ANKRD29: variants seen among roughly 807,000 people sequenced by gnomAD.
The protein encoded by ANKRD29 is ankyrin repeat domain-containing protein 29.
ANKRD29 carries 32 observed loss-of-function variants against 38.0 expected under a neutral mutation model. That is an observed-to-expected ratio of 0.84 (90% CI 0.64 to 1.13). The LOEUF (loss-of-function observed/expected upper bound fraction) is 1.13. ANKRD29 is among the 50% of genes most tolerant of loss of function. ANKRD29 has a pLI of 0.00. For missense variants in ANKRD29, 357 were observed against 377.9 expected, an observed-to-expected ratio of 0.94 and a Z score of 0.46; for synonymous variants, 135 against 152.4, an observed-to-expected ratio of 0.89 and a Z score of 0.84.
intron 9 of ANKRD29, among the ~76,000 whole-genome samples, chr18:23,602,872 G>A (rs1364274191): frequency 6.6e-6 from 1 of 151,978 alleles, no homozygotes; most frequent in East Asian, 1.9e-4. Context: ...ATATAGTTAT[G>A]AAAAATTAAA....
chr18:23,618,996 A>C (rs2059758541), intron 7 of ANKRD29, among the ~76,000 whole-genome samples: 1 of 152,244 alleles, frequency 6.6e-6, no homozygotes, highest in South Asian at 2.1e-4. Context: ...ACAGTAAAAC[A>C]CAAAAAGCAA....
At chr18:23,656,034 A>C (rs910677745) in intron 1 of ANKRD29, among the ~76,000 whole-genome samples, 2 of 148,072 alleles carry the variant, frequency 1.4e-5, no homozygotes, top group South Asian at 4.3e-4. Context: ...CGGAGCTTGC[A>C]GTGAGCCGAG....
intron 6 of ANKRD29, among the ~76,000 whole-genome samples, chr18:23,622,036 T>C (rs1219328955): frequency 6.6e-6 from 1 of 152,042 alleles, no homozygotes; most frequent in Non-Finnish European, 1.5e-5. Flanking sequence ...GAGGTTTCCA[T>C]ACGACTGCAG....
intron 1 of ANKRD29, among the ~76,000 whole-genome samples, chr18:23,659,284 T>C (rs1401592832): frequency 6.6e-6 from 1 of 152,212 alleles, no homozygotes; most frequent in Non-Finnish European, 1.5e-5. Context: ...GGCCCACATT[T>C]TGTTTTTATC....
At chr18:23,629,711 T>A in intron 6 of ANKRD29, 142 bp downstream of exon 6, 1 of 674,398 alleles carries the variant, frequency 1.5e-6, no homozygotes, top group Non-Finnish European at 2.5e-6. Flanking sequence ...TAATCAAAGA[T>A]TAACTTTTCA....
At position 23,649,079 on chromosome 18, in the gene ANKRD29, G is replaced by C. The variant is rs370643642; in HGVS notation, c.132+4C>G. The C allele has an allele frequency of 1.2e-6, 2 of 1,613,464 alleles. No individual in the cohort carries two copies. Among genetic ancestry groups the C allele is most frequent in the Non-Finnish European group, 1.7e-6 (2 of 1,179,712 alleles). On this transcript the variant is annotated splice_donor_region_variant and intron_variant, in intron 2 of 9. Transcript: ENST00000592179. ...CTGGGCATGCATCTACCGAACCACC[G>C]TACGCTGTCTCTGCAGTCCACGTCC... is the stretch of plus-strand genomic sequence containing the variant.
chr18:23,650,561 T>C (rs1280510699), intron 1 of ANKRD29, among the ~76,000 whole-genome samples: 1 of 152,168 alleles, frequency 6.6e-6, no homozygotes, highest in Non-Finnish European at 1.5e-5. Flanking sequence ...AATCTTCTTC[T>C]CTAAAATAAT....
intron 9 of ANKRD29, among the ~76,000 whole-genome samples, chr18:23,602,548 A>G (rs536846752): frequency 6.6e-6 from 1 of 152,092 alleles, no homozygotes; most frequent in East Asian, 1.9e-4. Flanking sequence ...TGGCTCTCAA[A>G]CCTGTTGGTT....
At chr18:23,639,971 G>C (rs926708084) in intron 3 of ANKRD29, among the ~76,000 whole-genome samples, 3 of 152,174 alleles carry the variant, frequency 2.0e-5, no homozygotes, top group African/African-American at 7.2e-5. Flanking sequence ...AATGAAAAGA[G>C]TTATAGATGG....
At chr18:23,615,479 G>GCTCGATC (rs2059698748) in intron 8 of ANKRD29, among the ~76,000 whole-genome samples, 1 of 151,934 alleles carries the variant, frequency 6.6e-6, no homozygotes, top group African/African-American at 2.4e-5. Context: ...CAGTGCAGTG[G>GCTCGATC]CTCGATCACA....
chr18:23,615,510 G>C (rs944195694), intron 8 of ANKRD29, among the ~76,000 whole-genome samples: 3 of 152,020 alleles, frequency 2.0e-5, no homozygotes, highest in African/African-American at 7.3e-5. Flanking sequence ...CCAGGCTCAA[G>C]CCATCCTCCC....
intron 5 of ANKRD29, among the ~76,000 whole-genome samples, chr18:23,630,703 AC>A (rs1438729033): frequency 6.6e-6 from 1 of 151,766 alleles, no homozygotes; most frequent in East Asian, 1.9e-4. Context: ...GTAGGTTTCC[AC>A]CTTTTTGTCA....
chr18:23,613,635 T>C (rs1326878588), intron 8 of ANKRD29, among the ~76,000 whole-genome samples: 5 of 152,146 alleles, frequency 3.3e-5, no homozygotes, highest in Middle Eastern at 3.4e-3. Context: ...AGTCTTGCTT[T>C]GTCACCCAGG....
At chr18:23,641,548 T>G (rs924023766) in intron 3 of ANKRD29, among the ~76,000 whole-genome samples, 1 of 152,192 alleles carries the variant, frequency 6.6e-6, no homozygotes, top group Non-Finnish European at 1.5e-5. Context: ...CTTTGGGTGC[T>G]GACAAGCACA....
At chr18:23,626,291 T>C (rs1017814369) in intron 6 of ANKRD29, among the ~76,000 whole-genome samples, 4 of 152,206 alleles carry the variant, frequency 2.6e-5, no homozygotes, top group Admixed American at 6.5e-5. Flanking sequence ...GAAATACTGT[T>C]TAGCACATGA....
chr18:23,632,280 G>T (rs1235554956), intron 5 of ANKRD29, among the ~76,000 whole-genome samples: 3 of 151,592 alleles, frequency 2.0e-5, no homozygotes, highest in African/African-American at 7.3e-5. Context: ...TTTCCAAGAT[G>T]AACTACCCAT....
chr18:23,613,888 A>G (rs533915087), intron 8 of ANKRD29, among the ~76,000 whole-genome samples: 1 of 151,768 alleles, frequency 6.6e-6, no homozygotes, highest in South Asian at 2.1e-4. Context: ...ATGAGCCCCC[A>G]CGCCCAGCTA....
intron 3 of ANKRD29, among the ~76,000 whole-genome samples, 195 bp downstream of exon 3, chr18:23,645,994 C>T (rs550165455): frequency 1.3e-5 from 2 of 152,212 alleles, no homozygotes; most frequent in East Asian, 1.9e-4. Flanking sequence ...CAGATATGCC[C>T]GACAGGCTAC....
At position 23,662,654 on chromosome 18, in the gene ANKRD29, G is replaced by T. The variant is rs1341719690; in HGVS notation, c.21+56C>A. 52 of 259,482 alleles carry T rather than the reference G, an allele frequency of 2.0e-4. No homozygotes were observed. The African/African-American group carries it at 2.5e-3, about 12-fold the overall frequency. 16.1% of individuals were successfully genotyped at this position (259,482 alleles called of 1,614,324 possible). A position where few individuals can be genotyped will look rare whatever the true frequency, so the allele number is the denominator to read the frequency against. ...CCCATCCCACCCCACCCGACCCCGC[G>T]GGCCCGGCCGCCCGAGCCCGGCCCC... On this transcript the variant is annotated intron_variant, in intron 1 of 9. Transcript: ENST00000592179.
Sources: gnomAD v4.1 joint callset for allele counts (sites outside exome capture counted in the v4.1 genomes callset) on GRCh38, gnomAD v4.1.1 for gene constraint, MANE v1.5 for transcripts, NCBI Gene and HGNC (gene_info 2026-07-23, HGNC 2026-07-21) for gene names.